The following FSAF1 variants were observed in gnomAD, a reference collection of about 807,000 sequenced individuals.
FSAF1 encodes uncharacterized protein C1orf131.
chr1:231,231,708 A>G, the FSAF1 span, among the ~76,000 whole-genome samples: 2,561 of 152,316 alleles, frequency 0.017, 31 homozygotes, highest in Middle Eastern at 0.1. Flanking sequence ...GATAGCTACT[A>G]TGAGGCTGAA....
At chr1:231,231,471 T>C in the FSAF1 span, among the ~76,000 whole-genome samples, 2 of 152,316 alleles carry the variant, frequency 1.3e-5, no homozygotes, top group East Asian at 1.9e-4. Context: ...TCCACTGAAG[T>C]AATGGCTAAA....
At chr1:231,229,005 A>G in the FSAF1 span, 1 of 507,646 alleles carries the variant, frequency 2.0e-6, no homozygotes, top group Non-Finnish European at 3.3e-6. Context: ...AAAAACTGTT[A>G]ATTTTTATAA....
the FSAF1 span, among the ~76,000 whole-genome samples, chr1:231,230,655 G>A: frequency 6.6e-6 from 1 of 152,166 alleles, no homozygotes; most frequent in Non-Finnish European, 1.5e-5. Flanking sequence ...CGGGAGCTGT[G>A]CTTCTGCTTA....
At chr1:231,231,232 CAGAA>C in the FSAF1 span, among the ~76,000 whole-genome samples, 1 of 152,204 alleles carries the variant, frequency 6.6e-6, no homozygotes, top group Non-Finnish European at 1.5e-5. Flanking sequence ...TTATCCACAC[CAGAA>C]AGAGTCTTAT....
chr1:231,237,317 A>G, the FSAF1 span: 1 of 152,250 alleles, frequency 6.6e-6, no homozygotes, highest in Admixed American at 6.5e-5. Context: ...ATAAAGAACA[A>G]TGCAAGCCAA....
the FSAF1 span, chr1:231,225,418 A>G: frequency 4.5e-6 from 7 of 1,549,248 alleles, no homozygotes; most frequent in South Asian, 1.1e-5. Flanking sequence ...GTCAGAACTC[A>G]TCAGTAGGTT....
chr1:231,225,998 CAAAAAAAA>C, the FSAF1 span: 1 of 28,366 alleles, frequency 3.5e-5, no homozygotes, highest in Non-Finnish European at 6.1e-5. Flanking sequence ...ACGTAAAATG[CAAAAAAAA>C]AAAAAAAAAA....
the FSAF1 span, chr1:231,223,964 T>C: frequency 8.8e-6 from 2 of 227,640 alleles, no homozygotes; most frequent in Non-Finnish European, 1.7e-5. Context: ...AGTAAAGTTA[T>C]AAAAAACTGT....
the FSAF1 span, chr1:231,225,595 T>G: frequency 5.1e-6 from 7 of 1,380,736 alleles, no homozygotes; most frequent in Non-Finnish European, 7.2e-6. Flanking sequence ...GCAAGAGGTT[T>G]GTGACCAAAA....
At chr1:231,241,068 G>A in the FSAF1 span, 15 of 1,614,114 alleles carry the variant, frequency 9.3e-6, no homozygotes, top group African/African-American at 1.3e-5. Context: ...AAGTGTCGGA[G>A]AACTGGGAGG....
At chr1:231,225,200 T>G in the FSAF1 span, 1 of 524,150 alleles carries the variant, frequency 1.9e-6, no homozygotes, top group Non-Finnish European at 3.4e-6. Flanking sequence ...CTCTTAGAAG[T>G]CTTTTCTTGG....
At chr1:231,231,842 G>C in the FSAF1 span, among the ~76,000 whole-genome samples, 1 of 152,166 alleles carries the variant, frequency 6.6e-6, no homozygotes, top group South Asian at 2.1e-4. Flanking sequence ...TTGGCTGTGG[G>C]GACACCAGGG....
At chr1:231,225,675 C>T in the FSAF1 span, 2 of 709,108 alleles carry the variant, frequency 2.8e-6, no homozygotes, top group Non-Finnish European at 4.8e-6. Flanking sequence ...CAAAGTTTTA[C>T]CCTAAAACCC....
the FSAF1 span, chr1:231,226,982 C>A: frequency 1.2e-6 from 2 of 1,614,174 alleles, no homozygotes. Context: ...CCTTAGCGCC[C>A]AGCATAATGG....
chr1:231,237,962 C>T, the FSAF1 span: 1 of 152,216 alleles, frequency 6.6e-6, no homozygotes, highest in Admixed American at 6.5e-5. Context: ...GCGGGCAGAT[C>T]ACGAGGTCGG....
the FSAF1 span, chr1:231,237,211 G>C: frequency 1.3e-5 from 2 of 152,188 alleles, no homozygotes; most frequent in African/African-American, 2.4e-5. Flanking sequence ...AGCTTGATAT[G>C]AAATGCTACC....
the FSAF1 span, among the ~76,000 whole-genome samples, chr1:231,228,336 C>T: frequency 6.6e-6 from 1 of 152,154 alleles, no homozygotes; most frequent in Non-Finnish European, 1.5e-5. Context: ...TGGTGGCTCA[C>T]GCATGTAATC....
At chr1:231,228,492 C>T in the FSAF1 span, among the ~76,000 whole-genome samples, 9 of 151,164 alleles carry the variant, frequency 6.0e-5, no homozygotes, top group African/African-American at 1.7e-4. Context: ...CCAGCTACTC[C>T]GGAGACTGAA....
chr1:231,230,296 A>C, the FSAF1 span, among the ~76,000 whole-genome samples: 2 of 152,164 alleles, frequency 1.3e-5, no homozygotes, highest in Non-Finnish European at 2.9e-5. Flanking sequence ...TGTGAGCAGG[A>C]ATTTTAGATG....
Sources: gnomAD v4.1 joint callset for allele counts (sites outside exome capture counted in the v4.1 genomes callset) on GRCh38, gnomAD v4.1.1 for gene constraint, MANE v1.5 for transcripts, NCBI Gene and HGNC (gene_info 2026-07-23, HGNC 2026-07-21) for gene names.